RYR2: variants seen among roughly 807,000 people sequenced by gnomAD.
The protein encoded by RYR2 is cardiac muscle ryanodine receptor-calcium release channel.
Under a neutral mutation model 601.1 loss-of-function variants are expected in RYR2, and 227 were observed. That is an observed-to-expected ratio of 0.38 (90% CI 0.34 to 0.42). The LOEUF (loss-of-function observed/expected upper bound fraction) is 0.42, where lower values mean the gene tolerates loss of function less well. Among genes scored for constraint, RYR2 ranks in the 10% least tolerant of loss-of-function variants. RYR2 has a pLI of 1.00. For missense variants in RYR2, 4,646 were observed against 6,156.5 expected (o/e 0.75, Z 8.21); for synonymous variants, 2,223 against 2,175.1 (o/e 1.02, Z -0.61).
rs1035038004 is a variant in RYR2, at chr1:237,660,050, G to A, written c.8274G>A (p.Lys2758=). The A allele has an allele frequency of 5.7e-6, 9 of 1,575,092 alleles. No homozygotes were observed. The Admixed American group carries it at 1.1e-4, about 19-fold the overall frequency. ...SDSSKVQPLM[K]PYKLLSEKEK... ...CTTCTAAGGTTCAGCCATTAATGAA[G>A]CCATATAAGCTATTGTCTGAAAAGG... Residue 2758 remains lysine (K), a synonymous_variant, in exon 55 of 105, where the codon AAG becomes AAA. Transcript: ENST00000366574.
chr1:237,744,712 CTT>C (rs201416765), intron 80 of RYR2, among the ~76,000 whole-genome samples: 7,622 of 96,214 alleles, frequency 0.079, 356 homozygotes, highest in African/African-American at 0.16. Flanking sequence ...ACTTTGCCTT[CTT>C]TTTTTAAAAA....
At position 237,437,233 on chromosome 1, in the gene RYR2, T is replaced by C. The variant is rs1270149028; in HGVS notation, c.1006-4086T>C. Among the ~76,000 whole-genome samples the C allele has an allele frequency of 2.6e-5, 4 of 151,844 alleles. No homozygotes were observed. The East Asian group carries it at 5.8e-4, about 22-fold the overall frequency. On this transcript the variant is annotated intron_variant, in intron 12 of 104. Transcript: ENST00000366574. ...CTAATTTTTTATTTTATTTTATTTTTAGTAGAGATGGGGTTTCACCGTGTT... is the reference window on the plus strand; with the variant it reads ...CTAATTTTTTATTTTATTTTATTTTCAGTAGAGATGGGGTTTCACCGTGTT...
At chr1:237,511,102 C>A (rs1665847338) in intron 23 of RYR2, among the ~76,000 whole-genome samples, 1 of 152,020 alleles carries the variant, frequency 6.6e-6, no homozygotes, top group South Asian at 2.1e-4. Flanking sequence ...ATTGCCACAC[C>A]CTTCTTACAC....
Position 237,796,634 on chromosome 1 carries a change from G to T in RYR2, c.13956+1303G>T, listed in dbSNP as rs150813226. Among the ~76,000 whole-genome samples the T allele has an allele frequency of 3.5e-3, 538 of 151,762 alleles. 4 individuals are homozygous for T. The highest frequency in any genetic ancestry group is 0.012 in the African/African-American group (511 of 41,366). ...TTCCTTCTTCATTCACTTCAATCTT[G>T]TTCAGTATATTTCCTTCTTCATTCA... On this transcript the variant is annotated intron_variant, in intron 96 of 104. Transcript: ENST00000366574.
intron 82 of RYR2, among the ~76,000 whole-genome samples, chr1:237,758,068 C>G: frequency 6.6e-6 from 1 of 152,168 alleles, no homozygotes; most frequent in East Asian, 1.9e-4. Flanking sequence ...GTTTACCAAA[C>G]TGTGGCTCTC....
chr1:237,091,906 G>C (rs973464579), intron 1 of RYR2, among the ~76,000 whole-genome samples: 2 of 152,234 alleles, frequency 1.3e-5, no homozygotes, highest in Non-Finnish European at 2.9e-5. Context: ...TTGATACCAG[G>C]GTTCTTGGCT....
chr1:237,153,718 T>C (rs1047022709), intron 1 of RYR2, among the ~76,000 whole-genome samples: 4 of 152,012 alleles, frequency 2.6e-5, no homozygotes, highest in African/African-American at 9.7e-5. Context: ...AGGCCACAGG[T>C]AGAAAATGAG....
chr1:237,090,823 G>A (rs533018128), intron 1 of RYR2, among the ~76,000 whole-genome samples: 1 of 152,292 alleles, frequency 6.6e-6, no homozygotes, highest in African/African-American at 2.4e-5. Context: ...CTGGGCCAAG[G>A]GTTTCAAGAG....
intron 55 of RYR2, among the ~76,000 whole-genome samples, 179 bp downstream of exon 55, chr1:237,660,253 A>G (rs1180266622): frequency 6.7e-6 from 1 of 149,470 alleles, no homozygotes; most frequent in Non-Finnish European, 1.5e-5. Flanking sequence ...TCAATTCTTA[A>G]TTTCTGTCAG....
chr1:237,062,317 G>A (rs9428653), intron 1 of RYR2, among the ~76,000 whole-genome samples: 83,619 of 151,974 alleles, frequency 0.55, 24,122 homozygotes, highest in East Asian at 0.81. Flanking sequence ...CTGTAGACCC[G>A]TTTGAGAAGA....
chr1:237,313,529 TGAAAACAGTGA>T (rs1553396511), intron 2 of RYR2, among the ~76,000 whole-genome samples: 4 of 152,184 alleles, frequency 2.6e-5, no homozygotes, highest in Non-Finnish European at 5.9e-5. Flanking sequence ...CTTTAGAAGC[TGAAAACAGTGA>T]GGAAACAGAT....
chr1:237,120,199 A>G (rs1670621724), intron 1 of RYR2, among the ~76,000 whole-genome samples: 1 of 152,114 alleles, frequency 6.6e-6, no homozygotes, highest in African/African-American at 2.4e-5. Context: ...GAGAAGATTA[A>G]TGAGGTAATG....
At chr1:237,826,821 C>T (rs527622153) in intron 101 of RYR2, among the ~76,000 whole-genome samples, 2 of 152,134 alleles carry the variant, frequency 1.3e-5, no homozygotes, top group African/African-American at 2.4e-5. Flanking sequence ...TTATTTTATG[C>T]ATGAAGTAAC....
chr1:237,240,210 A>G (rs1411059267), intron 1 of RYR2, among the ~76,000 whole-genome samples: 1 of 152,220 alleles, frequency 6.6e-6, no homozygotes, highest in Non-Finnish European at 1.5e-5. Context: ...CTCTTTTGCC[A>G]GAAGAGTTAT....
At chr1:237,077,540 TA>T (rs1665125747) in intron 1 of RYR2, among the ~76,000 whole-genome samples, 1 of 129,948 alleles carries the variant, frequency 7.7e-6, no homozygotes, top group Admixed American at 8.1e-5. Flanking sequence ...GGCCATTACA[TA>T]ATGGTAAAGG....
intron 1 of RYR2, among the ~76,000 whole-genome samples, chr1:237,125,166 T>A (rs1442611154): frequency 6.6e-6 from 1 of 152,198 alleles, no homozygotes; most frequent in Non-Finnish European, 1.5e-5. Flanking sequence ...GAAGTATCTG[T>A]AAGATACGAA....
chr1:237,106,633 A>G lies in RYR2; in HGVS notation c.48+64064A>G, dbSNP rs1429444666. On this transcript the variant is annotated intron_variant, in intron 1 of 104. Coordinates refer to ENST00000366574, the MANE Select transcript of RYR2 (RefSeq NM_001035.3). This position sits in a 1 kb window ranked among gnomAD's most constrained non-coding sequence, Gnocchi z 4.4. ...AGAGGGCTGAAACTGTCCTTGAAAA[A>G]ATGGATTTCTCAGTGTGATGTGTAT... Among the ~76,000 whole-genome samples the G allele has an allele frequency of 6.6e-6, 1 of 152,136 alleles. No homozygotes were observed.
At chr1:237,488,681 A>G (rs1046091375) in intron 17 of RYR2, among the ~76,000 whole-genome samples, 2 of 152,042 alleles carry the variant, frequency 1.3e-5, no homozygotes, top group African/African-American at 4.8e-5. Flanking sequence ...ACTGATACAT[A>G]TATTCTCCCC....
At chr1:237,687,955 G>A (rs995102705) in intron 63 of RYR2, among the ~76,000 whole-genome samples, 7 of 152,084 alleles carry the variant, frequency 4.6e-5, no homozygotes, top group Non-Finnish European at 8.8e-5. Flanking sequence ...ACATTGGAAC[G>A]TCATAGTCAA....
Sources: allele counts gnomAD v4.1 joint callset (sites outside exome capture counted in the v4.1 genomes callset), GRCh38; gene constraint gnomAD v4.1.1; non-coding constraint Gnocchi (gnomAD v3.1); transcripts MANE v1.5; gene names NCBI Gene and HGNC (gene_info 2026-07-23, HGNC 2026-07-21).